The following VWF variants were observed in gnomAD, a reference collection of about 807,000 sequenced individuals.
VWF encodes von Willebrand factor, also known as Factor VIII related antigen.
VWF carries 176 observed loss-of-function variants against 308.6 expected under a neutral mutation model. That is an observed-to-expected ratio of 0.57 (90% CI 0.50 to 0.65). The LOEUF (loss-of-function observed/expected upper bound fraction) is 0.65. Ranked by LOEUF, VWF falls within the 30% of genes least tolerant of loss-of-function variation. The pLI, the probability that VWF is intolerant of heterozygous loss-of-function variation, is 0.00. For missense variants in VWF, 3,146 were observed against 3,648.2 expected, an observed-to-expected ratio of 0.86 and a Z score of 3.55; for synonymous variants, 1,385 against 1,443.4, an observed-to-expected ratio of 0.96 and a Z score of 0.92.
chr12:5,991,821 G>C lies in VWF; in HGVS notation c.6796C>G (p.Gln2266Glu). The C allele has an allele frequency of 6.2e-7, 1 of 1,613,930 alleles. No homozygotes were observed. Among genetic ancestry groups the C allele is most frequent in the Non-Finnish European group, 8.5e-7 (1 of 1,179,990 alleles). Residue 2266 changes from glutamine (Q) to glutamate (E), a missense_variant and splice_region_variant, in exon 38 of 52, where the codon CAG (glutamine) becomes GAG (glutamate). Physicochemically the swap from Gln to Glu is conservative, Grantham distance 29. Transcript: ENST00000261405. The stretch of plus-strand genomic sequence containing the variant: ...AAGTGAAAGGCCCAGGCTCCTACCT[G>C]GTGCTGGACTCCATCCTCACCAATG... Reference protein sequence around the residue: ...QCIGEDGVQHQFLEAWVPDHQ... With the variant: ...QCIGEDGVQHEFLEAWVPDHQ...
rs1448413203 is a variant in VWF at position 5,984,289 on chromosome 12, C to T, written c.6976+756G>A. On this transcript the variant is annotated intron_variant, in intron 40 of 51. Coordinates refer to ENST00000261405, the MANE Select transcript of VWF (RefSeq NM_000552.5). ...TCCCTCTAGTTCTCTCTACTGCTAA[C>T]ATTCTAAGACCTCCTTTACATTAAT... Among the ~76,000 whole-genome samples the T allele has an allele frequency of 2.6e-5, 4 of 152,360 alleles. No homozygotes were observed. In the East Asian group the frequency reaches 7.7e-4, roughly 29 times the overall value.
intron 42 of VWF, among the ~76,000 whole-genome samples, chr12:5,980,180 A>G (rs1943587849): frequency 1.9e-5 from 2 of 104,804 alleles, no homozygotes; most frequent in African/African-American, 3.6e-5. Context: ...GGAGGGAGGG[A>G]GGGAGGGAAG....
intron 50 of VWF, among the ~76,000 whole-genome samples, chr12:5,950,786 C>A (rs1943181998): frequency 6.6e-6 from 1 of 152,022 alleles, no homozygotes; most frequent in Admixed American, 6.5e-5. Context: ...CAACAAAGAC[C>A]CTTTGTGGTG....
intron 6 of VWF, among the ~76,000 whole-genome samples, chr12:6,080,298 C>T (rs1321296937): frequency 1.3e-5 from 2 of 152,232 alleles, no homozygotes; most frequent in Non-Finnish European, 2.9e-5. Context: ...TGAACGCAGA[C>T]AGGAGTAAGT....
chr12:5,998,465 C>CAAAAAAAAAAAA (rs1179417103), intron 34 of VWF, among the ~76,000 whole-genome samples: 1 of 54,578 alleles, frequency 1.8e-5, no homozygotes, highest in Non-Finnish European at 3.1e-5. Context: ...GAGACTCCGT[C>CAAAAAAAAAAAA]AAAAAAAAAA....
At chr12:6,010,208 T>TA (rs35254301) in intron 34 of VWF, among the ~76,000 whole-genome samples, 3 of 152,158 alleles carry the variant, frequency 2.0e-5, no homozygotes, top group Non-Finnish European at 2.9e-5. Flanking sequence ...AAATGGCAAT[T>TA]AAACATATGA....
At chr12:6,071,749 G>A (rs1285828441) in intron 9 of VWF, among the ~76,000 whole-genome samples, 1 of 152,188 alleles carries the variant, frequency 6.6e-6, no homozygotes, top group African/African-American at 2.4e-5. Context: ...GGGGCTCAGT[G>A]CACACAGAAG....
At position 5,982,013 on chromosome 12, in the gene VWF, A is replaced by T. The variant is rs377186688; in HGVS notation, c.7082-22T>A. On this transcript the variant is annotated intron_variant, in intron 41 of 51. Transcript: ENST00000261405. ...CAGGCTGAGGGTAGGACAAGGCCAC[A>T]CTGAGCACTGCGCCCAGCCAGGGCT... is the stretch of plus-strand genomic sequence containing the variant. 5 of 1,610,502 alleles carry T rather than the reference A, an allele frequency of 3.1e-6. No individual in the cohort carries two copies. The Admixed American group carries it at 8.3e-5, about 27-fold the overall frequency.
intron 6 of VWF, among the ~76,000 whole-genome samples, chr12:6,092,622 T>TGAGTGAGAGAGAGAGAGAGAGAGAGAGA (rs1403649370): frequency 1.1e-5 from 1 of 91,492 alleles, no homozygotes; most frequent in African/African-American, 5.3e-5. Context: ...AGTGAGAGTG[T>TGAGTGAGAGAGAGAGAGAGAGAGAGAGA]GTGTGTGTGT....
chr12:6,097,430 C>T (rs977280332), intron 5 of VWF, among the ~76,000 whole-genome samples: 3 of 151,928 alleles, frequency 2.0e-5, no homozygotes, highest in African/African-American at 7.3e-5. Flanking sequence ...AGCATGACTC[C>T]ATCCCAAAAC....
Position 6,018,740 on chromosome 12 carries a change from C to T in VWF, c.4678G>A (p.Asp1560Asn), listed in dbSNP as rs762864472. 9 of 1,613,542 alleles carry T rather than the reference C, an allele frequency of 5.6e-6. No individual in the cohort carries two copies. Among genetic ancestry groups the T allele is most frequent in the Non-Finnish European group, 5.9e-6 (7 of 1,179,904 alleles). Residue 1560 changes from aspartate to asparagine, a missense_variant, in exon 28 of 52, where the codon GAC becomes AAC. Asp to Asn is a conservative substitution (Grantham distance 23). Coordinates refer to ENST00000261405, the MANE Select transcript of VWF (RefSeq NM_000552.5). Reference sequence around the variant, plus strand: ...ATCTCTCGCACCCGCTGCAGGATGTCCCCTTTGGACTGTGCCTCGCTGAAG... The same window carrying T: ...ATCTCTCGCACCCGCTGCAGGATGTTCCCTTTGGACTGTGCCTCGCTGAAG... Reference protein sequence around the residue: ...YPFSEAQSKGDILQRVREIRY... With the variant: ...YPFSEAQSKGNILQRVREIRY...
intron 6 of VWF, among the ~76,000 whole-genome samples, chr12:6,091,117 G>A (rs1208280548): frequency 1.3e-5 from 2 of 152,202 alleles, no homozygotes; most frequent in Non-Finnish European, 1.5e-5. Context: ...TTGTTTATAA[G>A]GTGGAGATTG....
At chr12:6,032,325 TC>T (rs1314558436) in intron 20 of VWF, among the ~76,000 whole-genome samples, 1 of 113,770 alleles carries the variant, frequency 8.8e-6, no homozygotes, top group Non-Finnish European at 1.9e-5. Context: ...AGACTCCATC[TC>T]AAAAAAAAAA....
intron 41 of VWF, among the ~76,000 whole-genome samples, chr12:5,982,634 G>A (rs1334808211): frequency 4.6e-5 from 7 of 152,138 alleles, no homozygotes; most frequent in East Asian, 1.9e-4. Flanking sequence ...GAACGCCAAC[G>A]GAGTTAGAGT....
At chr12:6,108,679 T>C (rs943384353) in intron 5 of VWF, among the ~76,000 whole-genome samples, 2 of 151,380 alleles carry the variant, frequency 1.3e-5, no homozygotes, top group Non-Finnish European at 2.9e-5. Flanking sequence ...TAGTTACAAA[T>C]AGGTAACTTT....
At chr12:5,982,045 T>G in intron 41 of VWF, 54 bp from the exon 42 acceptor site, 4 of 1,561,994 alleles carry the variant, frequency 2.6e-6, no homozygotes, top group Non-Finnish European at 3.5e-6. Context: ...GGCTCGTAAG[T>G]ATTCAGCTAT....
At chr12:6,030,368 A>G (rs893658192) in intron 21 of VWF, among the ~76,000 whole-genome samples, 1 of 152,236 alleles carries the variant, frequency 6.6e-6, no homozygotes, top group African/African-American at 2.4e-5. Context: ...GTTTTCTTCC[A>G]TAATGGTGAA....
chr12:5,951,313 G>T (rs143986363), intron 50 of VWF, among the ~76,000 whole-genome samples: 109 of 152,270 alleles, frequency 7.2e-4, no homozygotes, highest in African/African-American at 2.6e-3. Context: ...TGAAGAAGAG[G>T]GGGTGATAAA....
intron 31 of VWF, among the ~76,000 whole-genome samples, chr12:6,015,304 AC>A: frequency 6.6e-6 from 1 of 152,250 alleles, no homozygotes; most frequent in East Asian, 1.9e-4. Flanking sequence ...ACAATACAAT[AC>A]AATACGATTT....
Sources: allele counts gnomAD v4.1 joint callset (sites outside exome capture counted in the v4.1 genomes callset), GRCh38; gene constraint gnomAD v4.1.1; transcripts MANE v1.5; gene names NCBI Gene and HGNC (gene_info 2026-07-23, HGNC 2026-07-21).